CTNNA3: variants seen among roughly 807,000 people sequenced by gnomAD.
The protein encoded by CTNNA3 is catenin alpha 3, also known as catenin alpha-3.
Under a neutral mutation model 95.7 loss-of-function variants are expected in CTNNA3, and 76 were observed. The observed-to-expected ratio is 0.79, with a 90% CI of 0.66 to 0.96. The LOEUF (loss-of-function observed/expected upper bound fraction) is 0.96. Among genes scored for constraint, CTNNA3 ranks in the 40% least tolerant of loss-of-function variants. The probability of loss-of-function intolerance (pLI) is 0.00; values close to 1 mark genes in which losing one functional copy is unlikely to be tolerated. For synonymous variants in CTNNA3, 431 were observed against 374.4 expected (o/e 1.15, Z -1.74); for missense variants, 1,191 against 1,089.8 (o/e 1.09, Z -1.31).
chr10:66,917,681 C>G (rs1377606880), intron 7 of CTNNA3, among the ~76,000 whole-genome samples: 1 of 152,142 alleles, frequency 6.6e-6, no homozygotes, highest in Non-Finnish European at 1.5e-5. Context: ...ATTCCTAATG[C>G]TGATATAATT....
At chr10:67,233,739 G>T (rs1332448201) in intron 5 of CTNNA3, among the ~76,000 whole-genome samples, 1 of 149,970 alleles carries the variant, frequency 6.7e-6, no homozygotes, top group Non-Finnish European at 1.5e-5. Context: ...TTTTTGAAAG[G>T]ATCAACAAAA....
intron 7 of CTNNA3, among the ~76,000 whole-genome samples, chr10:67,152,424 A>G (rs1007693287): frequency 5.3e-5 from 8 of 152,264 alleles, no homozygotes; most frequent in African/African-American, 1.2e-4. Context: ...AGAAATCAAT[A>G]AATTGGGAAA....
chr10:66,865,207 TGTGTGC>T (rs1462174421), intron 7 of CTNNA3, among the ~76,000 whole-genome samples: 114 of 97,292 alleles, frequency 1.2e-3, no homozygotes, highest in African/African-American at 4.1e-3. Context: ...GGGGTGTGTG[TGTGTGC>T]GTGTGTGTGT....
intron 5 of CTNNA3, among the ~76,000 whole-genome samples, chr10:67,283,578 T>A (rs568679711): frequency 6.6e-6 from 1 of 152,198 alleles, no homozygotes; most frequent in Non-Finnish European, 1.5e-5. Context: ...GATGCAGAGA[T>A]GCAGACCCCA....
intron 1 of CTNNA3, among the ~76,000 whole-genome samples, chr10:67,669,762 G>A (rs1045263640): frequency 6.6e-6 from 1 of 152,148 alleles, no homozygotes; most frequent in Admixed American, 6.5e-5. Flanking sequence ...TTGAATTTTA[G>A]AGGGCTGCTG....
intron 11 of CTNNA3, among the ~76,000 whole-genome samples, chr10:66,427,557 C>T (rs1040868658): frequency 6.6e-6 from 1 of 152,012 alleles, no homozygotes; most frequent in Non-Finnish European, 1.5e-5. Flanking sequence ...AGGAAATGTA[C>T]CCAGTTTTCT....
chr10:66,003,616 T>C (rs1281377159), intron 15 of CTNNA3, among the ~76,000 whole-genome samples: 1 of 152,202 alleles, frequency 6.6e-6, no homozygotes, highest in Non-Finnish European at 1.5e-5. Context: ...TTGTTTTTTG[T>C]TATATTGTGG....
chr10:66,825,425 G>A (rs992358988), intron 7 of CTNNA3, among the ~76,000 whole-genome samples: 16 of 151,310 alleles, frequency 1.1e-4, no homozygotes, highest in East Asian at 5.9e-4. Flanking sequence ...ATAGCTGTGC[G>A]CCACCACACC....
intron 15 of CTNNA3, 149 bp from the exon 16 acceptor site, chr10:65,988,946 T>A: frequency 1.7e-6 from 1 of 593,834 alleles, no homozygotes; most frequent in Non-Finnish European, 2.9e-6. Flanking sequence ...ATTGTTTTTG[T>A]GATTGTTTGT....
At chr10:66,496,174 T>C (rs1840092732) in intron 11 of CTNNA3, among the ~76,000 whole-genome samples, 1 of 152,140 alleles carries the variant, frequency 6.6e-6, no homozygotes, top group Non-Finnish European at 1.5e-5. Flanking sequence ...GATTAAAACC[T>C]TTTACTCTAA....
chr10:67,189,856 A>G (rs10762146), intron 6 of CTNNA3, among the ~76,000 whole-genome samples: 58,626 of 151,966 alleles, frequency 0.39, 16,005 homozygotes, highest in African/African-American at 0.78. Context: ...TAGGAGTTTT[A>G]AAAAATCTGA....
chr10:66,594,359 A>G (rs1843643761), intron 10 of CTNNA3, among the ~76,000 whole-genome samples: 1 of 152,210 alleles, frequency 6.6e-6, no homozygotes, highest in East Asian at 1.9e-4. Flanking sequence ...TCCTACTTCC[A>G]TCTTGTACCC....
intron 5 of CTNNA3, among the ~76,000 whole-genome samples, chr10:67,261,131 C>T (rs1866590823): frequency 6.6e-6 from 1 of 152,134 alleles, no homozygotes. Context: ...GTTTCCTGTG[C>T]TCCAAAATTT....
chr10:66,351,112 A>G (rs1036538576), intron 12 of CTNNA3, among the ~76,000 whole-genome samples: 4 of 152,058 alleles, frequency 2.6e-5, no homozygotes, highest in Non-Finnish European at 4.4e-5. Context: ...CTCATTTCCC[A>G]TTTATGACAG....
chr10:67,561,113 G>C, intron 3 of CTNNA3, among the ~76,000 whole-genome samples: 1 of 146,200 alleles, frequency 6.8e-6, no homozygotes, highest in East Asian at 2.1e-4. Flanking sequence ...TCCAGGAATT[G>C]AACTCAGCTC....
chr10:66,006,089 T>G (rs2078875079), intron 15 of CTNNA3, among the ~76,000 whole-genome samples: 1 of 148,542 alleles, frequency 6.7e-6, no homozygotes, highest in Non-Finnish European at 1.5e-5. Context: ...CTCGGCTCAG[T>G]GCAAGCTCTG....
At chr10:66,218,748 G>A (rs2088718861) in intron 13 of CTNNA3, among the ~76,000 whole-genome samples, 2 of 152,168 alleles carry the variant, frequency 1.3e-5, no homozygotes, top group South Asian at 4.1e-4. Flanking sequence ...TAAAATGTAA[G>A]AGTGGCTTTG....
intron 11 of CTNNA3, among the ~76,000 whole-genome samples, chr10:66,509,752 T>C (rs1208630134): frequency 6.6e-6 from 1 of 151,902 alleles, no homozygotes; most frequent in East Asian, 1.9e-4. Flanking sequence ...CCATACCATG[T>C]TGTTTTTGTT....
At chr10:66,790,078 A>G (rs1840907405) in intron 7 of CTNNA3, among the ~76,000 whole-genome samples, 1 of 152,192 alleles carries the variant, frequency 6.6e-6, no homozygotes, top group Non-Finnish European at 1.5e-5. Context: ...TGTCTCAATG[A>G]AAAGAAAATT....
Sources: allele counts gnomAD v4.1 joint callset (sites outside exome capture counted in the v4.1 genomes callset), GRCh38; gene constraint gnomAD v4.1.1; transcripts MANE v1.5; gene names NCBI Gene and HGNC (gene_info 2026-07-23, HGNC 2026-07-21).